The following ANKS1B variants were observed in gnomAD, a reference collection of about 807,000 sequenced individuals.
The protein encoded by ANKS1B is ankyrin repeat and sterile alpha motif domain-containing protein 1B.
Under a neutral mutation model 148.3 loss-of-function variants are expected in ANKS1B, and 36 were observed. That is an observed-to-expected ratio of 0.24 (90% CI 0.19 to 0.32). The LOEUF is 0.32. Ranked by LOEUF, ANKS1B falls within the 10% of genes least tolerant of loss-of-function variation. The pLI is 1.00. For synonymous variants in ANKS1B, 542 were observed against 560.8 expected, an observed-to-expected ratio of 0.97 and a Z score of 0.47; for missense variants, 1,157 against 1,542.6, an observed-to-expected ratio of 0.75 and a Z score of 4.19.
intron 11 of ANKS1B, among the ~76,000 whole-genome samples, chr12:99,422,062 G>A (rs1388886393): frequency 6.6e-6 from 1 of 152,200 alleles, no homozygotes; most frequent in Non-Finnish European, 1.5e-5. Flanking sequence ...ACAGCCTGCA[G>A]AACCGTGAGC....
intron 17 of ANKS1B, among the ~76,000 whole-genome samples, chr12:98,852,710 T>TA (rs1195618091): frequency 1.3e-5 from 2 of 152,106 alleles, no homozygotes; most frequent in Non-Finnish European, 2.9e-5. Context: ...GAGCCCACAT[T>TA]AAAAACACGT....
chr12:98,812,994 T>A (rs917268478), intron 19 of ANKS1B, among the ~76,000 whole-genome samples: 1 of 152,210 alleles, frequency 6.6e-6, no homozygotes, highest in African/African-American at 2.4e-5. Flanking sequence ...ATGGCTCTTC[T>A]CCTAGACATA....
chr12:99,818,947 A>T (rs2153674848), intron 2 of ANKS1B, among the ~76,000 whole-genome samples: 1 of 151,938 alleles, frequency 6.6e-6, no homozygotes, highest in South Asian at 2.1e-4. Flanking sequence ...TCAACCTTCA[A>T]ATTTCTTTGC....
At chr12:99,347,312 G>A (rs1391255262) in intron 12 of ANKS1B, among the ~76,000 whole-genome samples, 1 of 151,966 alleles carries the variant, frequency 6.6e-6, no homozygotes, top group Non-Finnish European at 1.5e-5. Context: ...ATGCTTGGGG[G>A]AGTAAGGGCT....
rs546541127 is a variant in ANKS1B, at chr12:99,246,217, C to T, written c.2346+58G>A. The stretch of plus-strand genomic sequence containing the variant: ...GCTAAAAAGCTGAAAATCCTTCCCC[C>T]AAACCTCCCTCAACTGCAAAGCCTT... On this transcript the variant is annotated intron_variant, in intron 13 of 26. Transcript: ENST00000683438. 8.9e-6 allele frequency: 12 copies of T among 1,341,644 alleles called. No homozygotes were observed. The African/African-American group carries it at 1.6e-4, about 18-fold the overall frequency. 83.1% of individuals were successfully genotyped at this position (1,341,644 alleles called of 1,614,324 possible). A position where few individuals can be genotyped will look rare whatever the true frequency, so the allele number is the denominator to read the frequency against.
At chr12:99,904,015 G>A (rs1367315514) in intron 1 of ANKS1B, among the ~76,000 whole-genome samples, 2 of 152,082 alleles carry the variant, frequency 1.3e-5, no homozygotes, top group African/African-American at 4.8e-5. Flanking sequence ...CTACTGTGTT[G>A]GATAGCACTA....
intron 14 of ANKS1B, chr12:99,155,140 G>C (rs977933963): frequency 2.7e-6 from 4 of 1,482,744 alleles, no homozygotes; most frequent in Non-Finnish European, 3.6e-6. Context: ...CAGGAAATGC[G>C]AAGCTTGAAC....
At chr12:99,432,919 T>C (rs1478666339) in intron 11 of ANKS1B, among the ~76,000 whole-genome samples, 1 of 152,140 alleles carries the variant, frequency 6.6e-6, no homozygotes, top group Non-Finnish European at 1.5e-5. Flanking sequence ...AGTCAGATTA[T>C]ATTGGATGTC....
chr12:99,716,911 C>A (rs1041424791), intron 8 of ANKS1B, among the ~76,000 whole-genome samples: 1 of 152,132 alleles, frequency 6.6e-6, no homozygotes, highest in African/African-American at 2.4e-5. Flanking sequence ...ATCCTTTTAT[C>A]ACCTCCCTTC....
At chr12:98,787,283 T>C (rs1398840230) in intron 22 of ANKS1B, among the ~76,000 whole-genome samples, 1 of 152,204 alleles carries the variant, frequency 6.6e-6, no homozygotes, top group Non-Finnish European at 1.5e-5. Flanking sequence ...AAGGCCACTT[T>C]CTGGGGAAAG....
At chr12:99,687,903 T>C (rs962049641) in intron 8 of ANKS1B, among the ~76,000 whole-genome samples, 3 of 152,222 alleles carry the variant, frequency 2.0e-5, no homozygotes, top group Non-Finnish European at 2.9e-5. Context: ...GAATTTTACA[T>C]TGTTAGGTGC....
chr12:99,139,218 C>T (rs1373430298), intron 15 of ANKS1B, among the ~76,000 whole-genome samples: 1 of 144,942 alleles, frequency 6.9e-6, no homozygotes, highest in Non-Finnish European at 1.5e-5. Flanking sequence ...TTCCTTCCTT[C>T]TCTTTCTTTC....
chr12:99,697,476 T>C (rs1421389463), intron 8 of ANKS1B, among the ~76,000 whole-genome samples: 2 of 152,058 alleles, frequency 1.3e-5, no homozygotes, highest in Non-Finnish European at 2.9e-5. Context: ...AGTAAAATAA[T>C]CCAGTCTGAA....
intron 1 of ANKS1B, among the ~76,000 whole-genome samples, chr12:99,965,840 A>G (rs2095478092): frequency 1.3e-5 from 2 of 152,160 alleles, no homozygotes; most frequent in Non-Finnish European, 2.9e-5. Flanking sequence ...TGAACCCGGG[A>G]GGCAGAGCTT....
At chr12:99,677,886 T>C (rs2098589063) in intron 8 of ANKS1B, among the ~76,000 whole-genome samples, 1 of 152,168 alleles carries the variant, frequency 6.6e-6, no homozygotes, top group Non-Finnish European at 1.5e-5. Context: ...GGCTGGAGAA[T>C]CTCTTGAATG....
chr12:99,976,830 T>C (rs2095635087), intron 1 of ANKS1B, among the ~76,000 whole-genome samples: 1 of 152,196 alleles, frequency 6.6e-6, no homozygotes, highest in South Asian at 2.1e-4. Flanking sequence ...TGTGTTCCTA[T>C]AAGAGAGTAC....
chr12:99,081,775 A>C (rs549605314), intron 16 of ANKS1B, among the ~76,000 whole-genome samples: 1 of 152,106 alleles, frequency 6.6e-6, no homozygotes, highest in Non-Finnish European at 1.5e-5. Context: ...CTTGTTTTGC[A>C]TTATCAAGTG....
At chr12:99,599,742 A>G (rs2097786299) in intron 9 of ANKS1B, among the ~76,000 whole-genome samples, 2 of 152,088 alleles carry the variant, frequency 1.3e-5, no homozygotes, top group Admixed American at 1.3e-4. Flanking sequence ...CATAGGAGGT[A>G]CTAAAGGCAA....
At chr12:99,880,499 C>G (rs1441989571) in intron 1 of ANKS1B, among the ~76,000 whole-genome samples, 1 of 152,088 alleles carries the variant, frequency 6.6e-6, no homozygotes, top group East Asian at 1.9e-4. Context: ...AAGTTATATT[C>G]GGTACCACAG....
Sources: gnomAD v4.1 joint callset for allele counts (sites outside exome capture counted in the v4.1 genomes callset) on GRCh38, gnomAD v4.1.1 for gene constraint, MANE v1.5 for transcripts, NCBI Gene and HGNC (gene_info 2026-07-23, HGNC 2026-07-21) for gene names.